TM6SF2: variants seen among roughly 807,000 people sequenced by gnomAD.
TM6SF2 encodes transmembrane 6 superfamily member 2.
In TM6SF2, 29 loss-of-function variants were observed where a neutral mutation model predicts 41.0. The observed-to-expected ratio is 0.71, with a 90% CI of 0.53 to 0.96. The LOEUF (loss-of-function observed/expected upper bound fraction) is 0.96. Ranked by LOEUF, TM6SF2 falls within the 50% of genes least tolerant of loss-of-function variation. TM6SF2 has a pLI of 0.00. For missense variants in TM6SF2, 475 were observed against 499.0 expected (o/e 0.95, Z 0.46); for synonymous variants, 200 against 209.1 (o/e 0.96, Z 0.37).
chr19:19,269,658 A>G, intron 5 of TM6SF2, 29 bp downstream of exon 5: 1 of 1,613,796 alleles, frequency 6.2e-7, no homozygotes, highest in Non-Finnish European at 8.5e-7. Flanking sequence ...GCCCAAGAGA[A>G]CCTGGATTTC....
chr19:19,267,790 C>T, intron 7 of TM6SF2, 77 bp from the exon 8 acceptor site: 2 of 1,410,850 alleles, frequency 1.4e-6, no homozygotes, highest in Non-Finnish European at 9.8e-7. Flanking sequence ...CAGGCCCACA[C>T]CCCTTGCTCT....
Position 19,270,242 on chromosome 19 carries a change from A to G in TM6SF2, c.332T>C (p.Phe111Ser). The change falls in exon 4 of 10, where the codon TTC (phenylalanine) becomes TCC (serine). Residue 111 changes from phenylalanine to serine, a missense_variant. Around this residue, in one of 3 missense-constraint regions of TM6SF2, gnomAD observed 238 missense variants for 228.6 expected, o/e 1.04. Transcript: ENST00000389363. ...AACAGTGCCATCCCAGTAGCAGATG[A>G]AGACTCCGTGCGCTGTGCGCAGGTA... ...EPYLRTAHGV[F>S]ICYWDGTVHY... The G allele has an allele frequency of 6.2e-7, 1 of 1,614,196 alleles. No homozygotes were observed. Among genetic ancestry groups the G allele is most frequent in the Non-Finnish European group, 8.5e-7 (1 of 1,180,040 alleles).
chr19:19,268,802 G>A, intron 5 of TM6SF2, 48 bp from the exon 6 acceptor site: 1 of 1,535,944 alleles, frequency 6.5e-7, no homozygotes, highest in Non-Finnish European at 8.7e-7. Flanking sequence ...GAACCCTGCT[G>A]GACATCTGTT....
intron 1 of TM6SF2, 56 bp downstream of exon 1, chr19:19,273,065 C>T (rs1474332469): frequency 6.6e-6 from 3 of 451,444 alleles, no homozygotes; most frequent in Non-Finnish European, 1.2e-5. Context: ...CAGTCCTCCC[C>T]GCCCCCGCCC....
At chr19:19,270,476 G>A (rs2146579398) in intron 2 of TM6SF2, 34 bp from the exon 3 acceptor site, 1 of 1,586,560 alleles carries the variant, frequency 6.3e-7, no homozygotes, top group Non-Finnish European at 8.6e-7. Flanking sequence ...TCAGGTGTGG[G>A]AGGGGACACG....
rs185101196 is a variant in TM6SF2 at position 19,265,130 on chromosome 19, T to C, written c.925-257A>G. Among the ~76,000 whole-genome samples, 105 of 149,084 alleles carry C rather than the reference T, an allele frequency of 7.0e-4. 1 individual carries two copies. Among genetic ancestry groups the C allele is most frequent in the African/African-American group, 2.4e-3 (98 of 40,310 alleles). On this transcript the variant is annotated intron_variant, in intron 9 of 9. Transcript: ENST00000389363. ...AATCTCGGTTCACTGCAACCTCCGC[T>C]GCCTCCTGGGTTCAAGTGATTCTCG...
intron 2 of TM6SF2, among the ~76,000 whole-genome samples, chr19:19,270,648 T>C (rs538527740): frequency 7.9e-5 from 12 of 152,324 alleles, no homozygotes; most frequent in African/African-American, 2.6e-4. Flanking sequence ...AGACACAGCC[T>C]GGCTCTCAGA....
Position 19,266,581 on chromosome 19 carries a change from G to A in TM6SF2, c.833C>T (p.Pro278Leu), listed in dbSNP as rs2061003857. 1.2e-6 allele frequency: 2 copies of A among 1,613,896 alleles called. No individual in the cohort carries two copies. The highest frequency in any genetic ancestry group is 1.7e-6 in the Non-Finnish European group (2 of 1,179,818). ...QMLMYMFYVL[P>L]FCGLAAYALT... ...AGCATAGGCAGCCAGGCCGCAGAAAGGCAGGACATAAAACATGTACATCAG... is the reference window on the plus strand; with the variant it reads ...AGCATAGGCAGCCAGGCCGCAGAAAAGCAGGACATAAAACATGTACATCAG... The change falls in exon 9 of 10, where the codon CCT becomes CTT. Residue 278 changes from proline to leucine, a missense_variant. Pro to Leu is a moderately conservative substitution (Grantham distance 98). This residue lies in a region of TM6SF2 where 190 missense variants were observed against 190.2 expected (regional missense o/e 1.00). Transcript: ENST00000389363.
chr19:19,267,686 A>T lies in TM6SF2; in HGVS notation c.739T>A (p.Cys247Ser). 6.2e-7 allele frequency: 1 copy of T among 1,613,918 alleles called. No individual in the cohort carries two copies. The highest frequency in any genetic ancestry group is 1.1e-5 in the South Asian group (1 of 91,052). The stretch of plus-strand genomic sequence containing the variant: ...TCATACTGGTAGATATAGACAAAGC[A>T]GGCATCTGTGGGGCAATCAAGCACC... ...LVVLDCPTDA[C>S]FVYIYQYEPY... The change falls in exon 8 of 10, where the codon TGC (cysteine) becomes AGC (serine). Residue 247 changes from cysteine to serine, a missense_variant. Cys to Ser is a moderately radical substitution (Grantham distance 112). Around this residue, in one of 3 missense-constraint regions of TM6SF2, gnomAD observed 190 missense variants for 190.2 expected, o/e 1.00. Coordinates refer to ENST00000389363, the MANE Select transcript of TM6SF2 (RefSeq NM_001001524.3).
Position 19,270,448 on chromosome 19 carries a change from G to T in TM6SF2, c.200-6C>A. On this transcript the variant is annotated splice_polypyrimidine_tract_variant and splice_region_variant and intron_variant, in intron 2 of 9. Transcript: ENST00000389363. The stretch of plus-strand genomic sequence containing the variant: ...GAAGGCGAAGACAGCGAAGACTGCA[G>T]TGAGTGGGCGGGCCGGGTCAGGTGT... 3.1e-6 allele frequency: 5 copies of T among 1,598,892 alleles called. No homozygotes were observed. Among genetic ancestry groups the T allele is most frequent in the Non-Finnish European group, 4.3e-6 (5 of 1,174,194 alleles).
At position 19,270,347 on chromosome 19, in the gene TM6SF2, C is replaced by G; in HGVS notation, c.295G>C (p.Glu99Gln). ...VVGFMEFYTK[E>Q]GEPYLRTAHG... ...CTCCCTGGTCGTCCCCCAAGTACCT[C>G]CTTGGTGTAGAACTCCATGAAGCCC... is the stretch of plus-strand genomic sequence containing the variant. Residue 99 changes from glutamate to glutamine, a missense_variant and splice_region_variant, in exon 3 of 10, where the codon GAG (glutamate) becomes CAG (glutamine). Physicochemically the swap from Glu to Gln is conservative, Grantham distance 29. Around this residue, in one of 3 missense-constraint regions of TM6SF2, gnomAD observed 238 missense variants for 228.6 expected, o/e 1.04. Coordinates refer to ENST00000389363, the MANE Select transcript of TM6SF2 (RefSeq NM_001001524.3). 6.2e-7 allele frequency: 1 copy of G among 1,614,194 alleles called. No homozygotes were observed. Among genetic ancestry groups the G allele is most frequent in the Non-Finnish European group, 8.5e-7 (1 of 1,180,020 alleles).
At chr19:19,271,149 G>A (rs1248060896) in intron 1 of TM6SF2, 24 bp from the exon 2 acceptor site, 1 of 1,593,288 alleles carries the variant, frequency 6.3e-7, no homozygotes, top group Non-Finnish European at 8.6e-7. Flanking sequence ...AGCCAAGTCA[G>A]GGAGGCCAGG....
intron 1 of TM6SF2, 60 bp downstream of exon 1, chr19:19,273,061 T>TTGGCCC: frequency 2.9e-5 from 9 of 305,462 alleles, no homozygotes; most frequent in Admixed American, 5.9e-5. Flanking sequence ...CCTCCAGTCC[T>TTGGCCC]CCCCGCCCCC....
At chr19:19,265,472 G>A (rs2061000630) in intron 9 of TM6SF2, among the ~76,000 whole-genome samples, 1 of 151,902 alleles carries the variant, frequency 6.6e-6, no homozygotes, top group Non-Finnish European at 1.5e-5. Context: ...AGGCTGGAGT[G>A]CAGTGGCACA....
chr19:19,266,736 C>T, intron 8 of TM6SF2, 127 bp from the exon 9 acceptor site: 2 of 1,150,832 alleles, frequency 1.7e-6, no homozygotes, highest in Middle Eastern at 3.0e-4. Context: ...CACCCAGGCT[C>T]TCTGCAAAGT....
chr19:19,266,570 G>T lies in TM6SF2; in HGVS notation c.844C>A (p.Leu282Met), dbSNP rs1328254096. 1 of 1,614,006 alleles carries T rather than the reference G, an allele frequency of 6.2e-7. No individual in the cohort carries two copies. Among genetic ancestry groups the T allele is most frequent in the Non-Finnish European group, 8.5e-7 (1 of 1,179,914 alleles). ...GGGAAGGTGAGAGCATAGGCAGCCA[G>T]GCCGCAGAAAGGCAGGACATAAAAC... Reference protein sequence around the residue: ...YMFYVLPFCGLAAYALTFPGC... With the variant: ...YMFYVLPFCGMAAYALTFPGC... Residue 282 changes from leucine to methionine, a missense_variant, in exon 9 of 10, where the codon CTG becomes ATG. Transcript: ENST00000389363.
At chr19:19,270,037 A>T (rs1568612734) in intron 4 of TM6SF2, 136 bp downstream of exon 4, 1 of 1,526,072 alleles carries the variant, frequency 6.6e-7, no homozygotes, top group South Asian at 1.2e-5. Context: ...TCTCCTGGCC[A>T]CCCCTGGCTG....
intron 8 of TM6SF2, 41 bp downstream of exon 8, chr19:19,267,580 C>T: frequency 2.0e-6 from 3 of 1,524,470 alleles, no homozygotes; most frequent in Non-Finnish European, 2.7e-6. Flanking sequence ...TGGACCCCTA[C>T]CCATGGCAGG....
In TM6SF2 at chr19:19,264,787, G is replaced by A. The variant is rs114319770; in HGVS notation, c.1011C>T (p.Phe337=). The A allele has an allele frequency of 9.1e-5, 147 of 1,610,364 alleles. No homozygotes were observed. The African/African-American group carries it at 1.5e-3, about 16-fold the overall frequency. ...RVPEDTWGCF[F]VCNLLYALGP... ...CCAGCGCATACAGCAGATTGCACACGAAGAAGCAGCCCCAGGTGTCCTCAG... is the reference window on the plus strand; with the variant it reads ...CCAGCGCATACAGCAGATTGCACACAAAGAAGCAGCCCCAGGTGTCCTCAG... The change falls in exon 10 of 10, where the codon TTC becomes TTT. Residue 337 remains phenylalanine, a synonymous_variant. Transcript: ENST00000389363.
Sources: allele counts gnomAD v4.1 joint callset (sites outside exome capture counted in the v4.1 genomes callset), GRCh38; gene constraint gnomAD v4.1.1; regional missense constraint gnomAD v4.1.1; transcripts MANE v1.5; gene names NCBI Gene and HGNC (gene_info 2026-07-23, HGNC 2026-07-21).